HNRNPUL2: variants seen among roughly 807,000 people sequenced by gnomAD.
HNRNPUL2 encodes the protein heterogeneous nuclear ribonucleoprotein U like 2, also known as heterogeneous nuclear ribonucleoprotein U-like protein 2.
Under a neutral mutation model 102.2 loss-of-function variants are expected in HNRNPUL2, and 27 were observed. The observed-to-expected ratio is 0.26, with a 90% CI of 0.19 to 0.36. The LOEUF (loss-of-function observed/expected upper bound fraction) is 0.36, where lower values mean the gene tolerates loss of function less well. Among genes scored for constraint, HNRNPUL2 ranks in the 10% least tolerant of loss-of-function variants. The pLI, the probability that HNRNPUL2 is intolerant of heterozygous loss-of-function variation, is 1.00. For missense variants in HNRNPUL2, 936 were observed against 981.1 expected, an observed-to-expected ratio of 0.95 and a Z score of 0.61; for synonymous variants, 458 against 387.2, an observed-to-expected ratio of 1.18 and a Z score of -2.15.
chr11:62,726,035 G>A (rs1158770679), intron 1 of HNRNPUL2, among the ~76,000 whole-genome samples: 1 of 152,192 alleles, frequency 6.6e-6, no homozygotes, highest in Non-Finnish European at 1.5e-5. Context: ...ACTAGATTAA[G>A]ATTTTTCTCT....
chr11:62,717,133 G>A lies in HNRNPUL2; in HGVS notation c.1837C>T (p.Leu613=). The A allele has an allele frequency of 6.2e-7, 1 of 1,614,144 alleles. No individual in the cohort carries two copies. Residue 613 remains leucine, a synonymous_variant, in exon 11 of 14, where the codon CTG becomes TTG. Transcript: ENST00000301785. ...ATGGGCTGAGCTTCCTCCTTCTCCA[G>A]CTCCCCATATGTCACCTCATCCATA... ...DYMDEVTYGE[L]EKEEAQPIVT...
Position 62,722,205 on chromosome 11 carries a change from G to A in HNRNPUL2, c.1271C>T (p.Pro424Leu). Residue 424 changes from proline to leucine, a missense_variant, in exon 7 of 14, where the codon CCA becomes CTA. Coordinates refer to ENST00000301785, the MANE Select transcript of HNRNPUL2 (RefSeq NM_001079559.3). ...ATGAATGAACACAAACTCTTCTGGT[G>A]GTGGGAAGAAGGGCTCCTCCTTCTG... Reference protein sequence around the residue: ...FGQKEEPFFPPPEEFVFIHAV... With the variant: ...FGQKEEPFFPLPEEFVFIHAV... 1 of 1,614,126 alleles carries A rather than the reference G, an allele frequency of 6.2e-7. No individual in the cohort carries two copies. The highest frequency in any genetic ancestry group is 1.1e-5 in the South Asian group (1 of 91,076).
chr11:62,727,220 C>T lies in HNRNPUL2; in HGVS notation c.-64G>A, dbSNP rs2083762660. 3 of 1,317,472 alleles carry T rather than the reference C, an allele frequency of 2.3e-6. No individual in the cohort carries two copies. Among genetic ancestry groups the T allele is most frequent in the Non-Finnish European group, 2.9e-6 (3 of 1,035,684 alleles). The allele number at this position is 1,317,472 out of a possible 1,614,324, so 81.6% of individuals were successfully genotyped here. On this transcript the variant is annotated 5_prime_UTR_variant, in exon 1 of 14. Transcript: ENST00000301785. ...CCTGCGAACCGTCGACCGAGTCCGA[C>T]CGCGCAGGCGCCGCCGCCGCCGCCC...
At chr11:62,719,890 C>G (rs528616) in intron 10 of HNRNPUL2, 133 bp downstream of exon 10, 777,894 of 786,228 alleles carry the variant, frequency 0.99, 385,249 homozygotes, top group East Asian at 1. Flanking sequence ...GCAAGAAGGA[C>G]CTCACCAGAT....
Position 62,726,899 on chromosome 11 carries a change from C to T in HNRNPUL2, c.258G>A (p.Glu86=), listed in dbSNP as rs777654153. Residue 86 remains glutamate, a synonymous_variant, in exon 1 of 14, where the codon GAG becomes GAA. Coordinates refer to ENST00000301785, the MANE Select transcript of HNRNPUL2 (RefSeq NM_001079559.3). The part of the protein sequence containing the change: ...EEDEEEEEED[E]EALLEDEDEE... ...CGTCCTCGTCCTCAAGCAGCGCCTC[C>T]TCGTCCTCCTCCTCCTCCTCTTCGT... The T allele has an allele frequency of 1.3e-6, 2 of 1,560,258 alleles. No homozygotes were observed. The highest frequency in any genetic ancestry group is 2.4e-5 in the East Asian group (1 of 41,180).
intron 1 of HNRNPUL2, 55 bp from the exon 2 acceptor site, chr11:62,724,481 GCTCACAA>G: frequency 6.3e-7 from 1 of 1,595,812 alleles, no homozygotes; most frequent in Non-Finnish European, 8.6e-7. Flanking sequence ...TGTAGAATAA[GCTCACAA>G]CTAATAGACA....
rs1300636883 is a variant in HNRNPUL2 at position 62,713,711 on chromosome 11, C to CA, written c.*1587dup. On this transcript the variant is annotated 3_prime_UTR_variant, in exon 14 of 14. Transcript: ENST00000301785. ...GACCAAATCAGCCCACAATTTTAAA[C>CA]AGAGAACTGCCCAGGTGAGGAAATG... 2.6e-5 allele frequency: 4 copies of CA among 152,276 alleles called. No individual in the cohort carries two copies. In the South Asian group the frequency reaches 8.3e-4, roughly 32 times the overall value. 9.4% of individuals were successfully genotyped at this position (152,276 alleles called of 1,614,324 possible).
In HNRNPUL2 at chr11:62,727,198, G is replaced by A. The variant is rs887179020; in HGVS notation, c.-42C>T. On this transcript the variant is annotated 5_prime_UTR_variant, in exon 1 of 14. Coordinates refer to ENST00000301785, the MANE Select transcript of HNRNPUL2 (RefSeq NM_001079559.3). ...TCCGCCTCCCGCCGCCTCCTCCCCTGCGAACCGTCGACCGAGTCCGACCGC... is the reference window on the plus strand; with the variant it reads ...TCCGCCTCCCGCCGCCTCCTCCCCTACGAACCGTCGACCGAGTCCGACCGC... 2 of 1,374,828 alleles carry A rather than the reference G, an allele frequency of 1.5e-6. No homozygotes were observed. Among genetic ancestry groups the A allele is most frequent in the Non-Finnish European group, 1.9e-6 (2 of 1,064,676 alleles). 85.2% of individuals were successfully genotyped at this position (1,374,828 alleles called of 1,614,324 possible).
At position 62,722,346 on chromosome 11, in the gene HNRNPUL2, G is replaced by A. The variant is rs1387817513; in HGVS notation, c.1130C>T (p.Ser377Phe). The change falls in exon 7 of 14, where the codon TCC becomes TTC. Residue 377 changes from serine to phenylalanine, a missense_variant. Physicochemically the swap from Ser to Phe is radical, Grantham distance 155. Around this residue, in one of 2 missense-constraint regions of HNRNPUL2, gnomAD observed 609 missense variants for 713.0 expected, o/e 0.85. Coordinates refer to ENST00000301785, the MANE Select transcript of HNRNPUL2 (RefSeq NM_001079559.3). ...FETEEVELSF[S>F]KNGEDLGVAF... Reference sequence around the variant, plus strand: ...CACACCTAGGTCTTCTCCATTCTTGGAGAAGGAAAGTTCTACTTCTTCAGT... The same window carrying A: ...CACACCTAGGTCTTCTCCATTCTTGAAGAAGGAAAGTTCTACTTCTTCAGT... The A allele has an allele frequency of 4.3e-6, 7 of 1,613,890 alleles. No homozygotes were observed. The African/African-American group carries it at 6.7e-5, about 15-fold the overall frequency.
rs371005972 is a variant in HNRNPUL2 at position 62,724,311 on chromosome 11, T to C, written c.654A>G (p.Arg218=). 3.7e-6 allele frequency: 6 copies of C among 1,614,172 alleles called. No homozygotes were observed. The Admixed American group carries it at 1.0e-4, about 27-fold the overall frequency. ...CTCACCGGCTGTGGTAAGCCTCCTCTCGGAATTCATAGTAAGCTCGGCCAT... is the reference window on the plus strand; with the variant it reads ...CTCACCGGCTGTGGTAAGCCTCCTCCCGGAATTCATAGTAAGCTCGGCCAT... ...DEHGRAYYEF[R]EEAYHSRSKS... is the part of the protein sequence containing the mutation. Residue 218 remains arginine (R), a synonymous_variant, in exon 2 of 14, where the codon CGA becomes CGG. Coordinates refer to ENST00000301785, the MANE Select transcript of HNRNPUL2 (RefSeq NM_001079559.3).
At position 62,715,551 on chromosome 11, in the gene HNRNPUL2, T is replaced by A. The variant is rs769661082; in HGVS notation, c.2112A>T (p.Arg704=). The change falls in exon 13 of 14, where the codon CGA becomes CGT. Residue 704 remains arginine (R), a synonymous_variant. Transcript: ENST00000301785. ...YRGDYDRFYG[R]DYEYNRYRDY... Reference sequence around the variant, plus strand: ...CTCTGTATCTGTTGTACTCATAATCTCGCCCGTAAAATCGATCATAGTCTC... The same window carrying A: ...CTCTGTATCTGTTGTACTCATAATCACGCCCGTAAAATCGATCATAGTCTC... 10 of 1,613,168 alleles carry A rather than the reference T, an allele frequency of 6.2e-6. No individual in the cohort carries two copies. The South Asian group carries it at 1.1e-4, about 18-fold the overall frequency.
chr11:62,717,390 C>G (rs1322707548), intron 10 of HNRNPUL2, among the ~76,000 whole-genome samples: 5 of 152,014 alleles, frequency 3.3e-5, no homozygotes, highest in Non-Finnish European at 5.9e-5. Flanking sequence ...TGTAACAGAC[C>G]CAGGCAAAGG....
At chr11:62,719,674 G>A (rs2083685582) in intron 10 of HNRNPUL2, among the ~76,000 whole-genome samples, 2 of 152,152 alleles carry the variant, frequency 1.3e-5, no homozygotes, top group South Asian at 4.1e-4. Flanking sequence ...TATGGTTTGA[G>A]TTATGTCCCA....
Position 62,724,005 on chromosome 11 carries a change from TAGAAA to T in HNRNPUL2, c.675-20_675-16del. ...GAGACTTTGAGCTATATATGTAAGA[TAGAAA>T]AGAAACACAATGTAAACAAAGCCCT... On this transcript the variant is annotated splice_polypyrimidine_tract_variant and intron_variant, in intron 2 of 13. Transcript: ENST00000301785. 6.2e-7 allele frequency: 1 copy of T among 1,602,054 alleles called. No individual in the cohort carries two copies. The highest frequency in any genetic ancestry group is 8.6e-7 in the Non-Finnish European group (1 of 1,169,530).
intron 10 of HNRNPUL2, 42 bp from the exon 11 acceptor site, chr11:62,717,231 T>C (rs550320915): frequency 8.8e-6 from 13 of 1,474,310 alleles, no homozygotes; most frequent in East Asian, 6.8e-5. Context: ...GAAAAGTGCA[T>C]AGATGGGTAA....
chr11:62,722,967 G>A (rs1244923294), intron 4 of HNRNPUL2, 64 bp from the exon 5 acceptor site: 3 of 1,221,326 alleles, frequency 2.5e-6, no homozygotes, highest in African/African-American at 1.5e-5. Flanking sequence ...CTCTGAGTTC[G>A]AAGGACAAGA....
At chr11:62,723,491 C>CA (rs980763300) in intron 4 of HNRNPUL2, 96 bp downstream of exon 4, 970 of 1,291,830 alleles carry the variant, frequency 7.5e-4, no homozygotes, top group Non-Finnish European at 8.3e-4. Flanking sequence ...AACTCCATCT[C>CA]AAAAAAAAAG....
chr11:62,712,812 G>T lies in HNRNPUL2; in HGVS notation c.*2487C>A, dbSNP rs767961745. On this transcript the variant is annotated 3_prime_UTR_variant, in exon 14 of 14. Coordinates refer to ENST00000301785, the MANE Select transcript of HNRNPUL2 (RefSeq NM_001079559.3). ...GGCCACTTCCAAGAATGCTTTACAG[G>T]TTGTGCAAAAACATTTACAGGCTCC... The T allele has an allele frequency of 2.0e-5, 3 of 151,962 alleles. No homozygotes were observed. The highest frequency in any genetic ancestry group is 4.8e-5 in the African/African-American group (2 of 41,366). 9.4% of individuals were successfully genotyped at this position (151,962 alleles called of 1,614,324 possible).
intron 1 of HNRNPUL2, among the ~76,000 whole-genome samples, chr11:62,725,503 C>T (rs973602540): frequency 6.6e-6 from 1 of 152,210 alleles, no homozygotes; most frequent in Non-Finnish European, 1.5e-5. Context: ...CCAGCCTATC[C>T]TTCAATTATT....
Sources: allele counts gnomAD v4.1 joint callset (sites outside exome capture counted in the v4.1 genomes callset), GRCh38; gene constraint gnomAD v4.1.1; regional missense constraint gnomAD v4.1.1; transcripts MANE v1.5; gene names NCBI Gene and HGNC (gene_info 2026-07-23, HGNC 2026-07-21).